Variants in SLC39A11 observed in about 807,000 individuals in gnomAD.
SLC39A11 encodes solute carrier family 39 member 11, also known as zinc transporter ZIP11.
SLC39A11 carries 33 observed loss-of-function variants against 36.1 expected under a neutral mutation model. The ratio of observed to expected loss-of-function variants is 0.91; its 90% CI spans 0.69 to 1.22. The LOEUF (loss-of-function observed/expected upper bound fraction) is 1.22, where lower values mean the gene tolerates loss of function less well. SLC39A11 is among the 50% of genes most tolerant of loss of function. The pLI is 0.00. For synonymous variants in SLC39A11, 166 were observed against 170.3 expected, an observed-to-expected ratio of 0.97 and a Z score of 0.20; for missense variants, 432 against 430.3, an observed-to-expected ratio of 1.00 and a Z score of -0.03.
At chr17:72,943,000 C>CA (rs1444007625) in intron 5 of SLC39A11, among the ~76,000 whole-genome samples, 1 of 152,180 alleles carries the variant, frequency 6.6e-6, no homozygotes, top group Admixed American at 6.5e-5. Flanking sequence ...TTCAGTTCAT[C>CA]AAATCTTTTT....
At chr17:72,768,438 T>G (rs1378730862) in intron 6 of SLC39A11, among the ~76,000 whole-genome samples, 1 of 152,234 alleles carries the variant, frequency 6.6e-6, no homozygotes, top group Non-Finnish European at 1.5e-5. Flanking sequence ...TTGTCATTTT[T>G]GCAAAGGCAG....
intron 7 of SLC39A11, among the ~76,000 whole-genome samples, chr17:72,657,545 G>C (rs2070189341): frequency 6.6e-6 from 1 of 152,178 alleles, no homozygotes; most frequent in Admixed American, 6.5e-5. Flanking sequence ...TATGTTAAGA[G>C]GTCAGAATTC....
Position 72,816,395 on chromosome 17 carries a change from G to GA in SLC39A11, c.601+33238dup, listed in dbSNP as rs1555680655. ...TTCCCACCCTCATTCTCCTGCCAGGGAAAAAAAAAACATAGCCAGGCAAGA... is the reference window on the plus strand; with the variant it reads ...TTCCCACCCTCATTCTCCTGCCAGGGAAAAAAAAAAACATAGCCAGGCAAGA... On this transcript the variant is annotated intron_variant, in intron 6 of 9. Transcript: ENST00000255559. 4.8e-3 allele frequency among the ~76,000 whole-genome samples: 713 copies of GA among 147,792 alleles called. 8 individuals carry two copies. Among genetic ancestry groups the GA allele is most frequent in the African/African-American group, 0.015 (621 of 40,268 alleles).
At chr17:73,079,531 C>T (rs1213863271) in intron 3 of SLC39A11, among the ~76,000 whole-genome samples, 1 of 152,132 alleles carries the variant, frequency 6.6e-6, no homozygotes, top group Non-Finnish European at 1.5e-5. Flanking sequence ...AAACCCACAA[C>T]CAACATTATA....
At chr17:72,861,573 A>AG (rs1215838363) in intron 5 of SLC39A11, among the ~76,000 whole-genome samples, 1 of 149,396 alleles carries the variant, frequency 6.7e-6, no homozygotes, top group Non-Finnish European at 1.5e-5. Flanking sequence ...TATGCTTGAT[A>AG]GACAGATTGA....
intron 3 of SLC39A11, among the ~76,000 whole-genome samples, chr17:73,058,742 A>T (rs575251603): frequency 6.6e-6 from 1 of 152,216 alleles, no homozygotes; most frequent in African/African-American, 2.4e-5. Context: ...AAAAAGGGTT[A>T]ATCTTCAGAA....
chr17:72,826,397 C>G (rs1318627901), intron 6 of SLC39A11, among the ~76,000 whole-genome samples: 3 of 152,136 alleles, frequency 2.0e-5, no homozygotes, highest in Admixed American at 6.5e-5. Context: ...TATAAATTAC[C>G]CGGTCTCAGG....
At chr17:72,853,728 G>C (rs2079492346) in intron 5 of SLC39A11, among the ~76,000 whole-genome samples, 1 of 152,132 alleles carries the variant, frequency 6.6e-6, no homozygotes, top group Non-Finnish European at 1.5e-5. Flanking sequence ...AGCCACTAAT[G>C]AGTCTGCAAC....
chr17:73,075,627 T>C (rs574380439), intron 3 of SLC39A11, among the ~76,000 whole-genome samples: 162 of 152,004 alleles, frequency 1.1e-3, no homozygotes, highest in Non-Finnish European at 1.9e-3. Context: ...CCAAGGTGGG[T>C]GGATCACCTG....
At chr17:72,873,522 G>T (rs900738584) in intron 5 of SLC39A11, among the ~76,000 whole-genome samples, 3 of 152,116 alleles carry the variant, frequency 2.0e-5, no homozygotes, top group African/African-American at 7.2e-5. Context: ...TAAGTGTTTG[G>T]CTTTTCTGGG....
In SLC39A11 at chr17:72,670,046, G is replaced by GTATAGATGTATATACACATATATATACA. The variant is rs1567927169; in HGVS notation, c.672-20779_672-20778insTGTATATATATGTGTATATACATCTATA. On this transcript the variant is annotated intron_variant, in intron 7 of 9. Coordinates refer to ENST00000255559, the MANE Select transcript of SLC39A11 (RefSeq NM_139177.4). Reference sequence around the variant, plus strand: ...TAGATGTATATACACATATATATACGTATAGATGTATATACACATATATAT... The same window carrying GTATAGATGTATATACACATATATATACA: ...TAGATGTATATACACATATATATACGTATAGATGTATATACACATATATATACATATAGATGTATATACACATATATAT... 8.7e-5 allele frequency among the ~76,000 whole-genome samples: 12 copies of GTATAGATGTATATACACATATATATACA among 137,456 alleles called. 1 individual carries two copies. Among genetic ancestry groups the GTATAGATGTATATACACATATATATACA allele is most frequent in the African/African-American group, 3.3e-4 (12 of 36,806 alleles). 90.2% of individuals were successfully genotyped at this position (137,456 alleles called of 152,430 possible).
At chr17:73,066,712 A>G (rs1041328714) in intron 3 of SLC39A11, among the ~76,000 whole-genome samples, 1 of 152,204 alleles carries the variant, frequency 6.6e-6, no homozygotes, top group African/African-American at 2.4e-5. Context: ...AACAGCCTGA[A>G]AGTGGAGCCA....
intron 6 of SLC39A11, among the ~76,000 whole-genome samples, chr17:72,818,113 G>A: frequency 6.6e-6 from 1 of 152,074 alleles, no homozygotes; most frequent in Non-Finnish European, 1.5e-5. Flanking sequence ...GAGGATTATG[G>A]GAACTACAAT....
At chr17:72,858,172 C>A (rs1327166943) in intron 5 of SLC39A11, among the ~76,000 whole-genome samples, 4 of 152,106 alleles carry the variant, frequency 2.6e-5, no homozygotes, top group Non-Finnish European at 1.5e-5. Context: ...AGGAAGGGAT[C>A]CAGTTTAATT....
chr17:73,055,558 A>T (rs1477743364), intron 3 of SLC39A11, among the ~76,000 whole-genome samples: 1 of 150,306 alleles, frequency 6.7e-6, no homozygotes, highest in African/African-American at 2.4e-5. Flanking sequence ...CACCCTCCCG[A>T]TTAGCTAGGA....
intron 7 of SLC39A11, among the ~76,000 whole-genome samples, chr17:72,699,037 G>T (rs961897509): frequency 6.6e-6 from 1 of 152,232 alleles, no homozygotes; most frequent in South Asian, 2.1e-4. Context: ...CACCATGTTA[G>T]CCAGGATGGT....
chr17:72,827,660 G>T (rs147946401), intron 6 of SLC39A11, among the ~76,000 whole-genome samples: 1 of 152,316 alleles, frequency 6.6e-6, no homozygotes, highest in East Asian at 1.9e-4. Context: ...TTGATATGAA[G>T]GAAAAATGCT....
chr17:72,686,729 G>A (rs554298728), intron 7 of SLC39A11, among the ~76,000 whole-genome samples: 37 of 152,234 alleles, frequency 2.4e-4, no homozygotes, highest in African/African-American at 8.9e-4. Flanking sequence ...AGTTTATAAG[G>A]GGCCTATGAA....
intron 4 of SLC39A11, among the ~76,000 whole-genome samples, chr17:72,954,956 A>G (rs556453043): frequency 6.6e-6 from 1 of 152,340 alleles, no homozygotes; most frequent in South Asian, 2.1e-4. Flanking sequence ...CATGGGTCAT[A>G]GTCAGAATCC....
Sources: gnomAD v4.1 joint callset for allele counts (sites outside exome capture counted in the v4.1 genomes callset) on GRCh38, gnomAD v4.1.1 for gene constraint, MANE v1.5 for transcripts, NCBI Gene and HGNC (gene_info 2026-07-23, HGNC 2026-07-21) for gene names.